The following SUSD4 variants were observed in gnomAD, a reference collection of about 807,000 sequenced individuals.
The protein encoded by SUSD4 is sushi domain containing 4, also known as sushi domain-containing protein 4.
Under a neutral mutation model 50.5 loss-of-function variants are expected in SUSD4, and 41 were observed. That is an observed-to-expected ratio of 0.81 (90% CI 0.63 to 1.05). The LOEUF is 1.05. SUSD4 is among the 50% of genes least tolerant of loss of function. SUSD4 has a pLI of 0.00. For missense variants in SUSD4, 580 were observed against 634.7 expected (o/e 0.91, Z 0.93); for synonymous variants, 257 against 257.3 (o/e 1.00, Z 0.01).
chr1:223,349,883 A>G (rs1668259738), intron 2 of SUSD4, among the ~76,000 whole-genome samples: 1 of 152,224 alleles, frequency 6.6e-6, no homozygotes, highest in South Asian at 2.1e-4. Flanking sequence ...CTAAATTCAT[A>G]CATTGAAGCC....
Position 223,364,170 on chromosome 1 carries a change from A to C in SUSD4, c.-149T>G, listed in dbSNP as rs1669179974. The C allele has an allele frequency of 6.6e-6, 1 of 151,486 alleles. No individual in the cohort carries two copies. Among genetic ancestry groups the C allele is most frequent in the Non-Finnish European group, 1.5e-5 (1 of 67,738 alleles). 9.4% of individuals were successfully genotyped at this position (151,486 alleles called of 1,614,324 possible). A position where few individuals can be genotyped will look rare whatever the true frequency, so the allele number is the denominator to read the frequency against. ...GCCGCTGCGCGAGCGAGCGAGACGGAAGCTTCGGCGGCGGCGCTCGGCTCC... is the reference window on the plus strand; with the variant it reads ...GCCGCTGCGCGAGCGAGCGAGACGGCAGCTTCGGCGGCGGCGCTCGGCTCC... On this transcript the variant is annotated 5_prime_UTR_variant, in exon 1 of 9. Transcript: ENST00000366878. This position sits in a 1 kb window ranked among gnomAD's most constrained non-coding sequence, Gnocchi z 4.5.
intron 2 of SUSD4, among the ~76,000 whole-genome samples, chr1:223,339,218 G>A (rs921667494): frequency 1.3e-5 from 2 of 152,308 alleles, no homozygotes; most frequent in African/African-American, 2.4e-5. Context: ...TGGTGTTTGC[G>A]TGTCTCTGAA....
intron 2 of SUSD4, among the ~76,000 whole-genome samples, chr1:223,338,868 C>A (rs1391454165): frequency 6.6e-6 from 1 of 152,148 alleles, no homozygotes; most frequent in Non-Finnish European, 1.5e-5. Context: ...TCAGAGATGT[C>A]CAGTAAGCAC....
At chr1:223,347,622 ATTAT>A (rs1390704503) in intron 2 of SUSD4, among the ~76,000 whole-genome samples, 2 of 151,998 alleles carry the variant, frequency 1.3e-5, no homozygotes. Context: ...GAGTGCCTTA[ATTAT>A]TTCATGCACG....
chr1:223,335,351 T>C (rs1667400650), intron 2 of SUSD4, among the ~76,000 whole-genome samples: 1 of 152,224 alleles, frequency 6.6e-6, no homozygotes, highest in South Asian at 2.1e-4. Flanking sequence ...AGTGTAGAAG[T>C]GTTCTGACGG....
intron 4 of SUSD4, among the ~76,000 whole-genome samples, chr1:223,266,151 A>G (rs932247999): frequency 2.0e-5 from 3 of 152,230 alleles, no homozygotes; most frequent in Non-Finnish European, 4.4e-5. Flanking sequence ...GCGGCTCTGC[A>G]GACCAAGCAG....
At position 223,244,638 on chromosome 1, in the gene SUSD4, G is replaced by A. The variant is rs527875260; in HGVS notation, c.725-15250C>T. ...ATGCTACAGATTGGATTCTACCACT[G>A]AGAACTGGTGACTAAAATCTGCTTG... On this transcript the variant is annotated intron_variant, in intron 5 of 8. Coordinates refer to ENST00000366878, the MANE Select transcript of SUSD4 (RefSeq NM_017982.4). 1.7e-4 allele frequency among the ~76,000 whole-genome samples: 26 copies of A among 152,230 alleles called. No homozygotes were observed. In the South Asian group the frequency reaches 4.6e-3, roughly 27 times the overall value.
At chr1:223,234,851 T>A in intron 5 of SUSD4, 3 of 1,423,148 alleles carry the variant, frequency 2.1e-6, no homozygotes. Flanking sequence ...AGTTGGTTCT[T>A]CCCTTGATGC....
intron 5 of SUSD4, among the ~76,000 whole-genome samples, chr1:223,235,292 C>T (rs1660145022): frequency 6.6e-6 from 1 of 152,184 alleles, no homozygotes; most frequent in Non-Finnish European, 1.5e-5. Context: ...CATGCACAGC[C>T]TCCCCCATTA....
chr1:223,355,436 C>T (rs1294594409), intron 2 of SUSD4, among the ~76,000 whole-genome samples: 1 of 152,092 alleles, frequency 6.6e-6, no homozygotes, highest in East Asian at 1.9e-4. Flanking sequence ...CCAGGCTGGT[C>T]TTGAACTCCT....
At chr1:223,315,638 T>A (rs1666140720) in intron 2 of SUSD4, among the ~76,000 whole-genome samples, 1 of 152,226 alleles carries the variant, frequency 6.6e-6, no homozygotes, top group African/African-American at 2.4e-5. Flanking sequence ...GCTTTCTTTA[T>A]CGCATTGCCG....
intron 5 of SUSD4, chr1:223,234,831 A>G: frequency 7.4e-7 from 1 of 1,359,554 alleles, no homozygotes; most frequent in East Asian, 2.7e-5. Context: ...AACACCTTCA[A>G]AACAATGCCA....
At position 223,332,798 on chromosome 1, in the gene SUSD4, GC is replaced by G. The variant is rs1372852111; in HGVS notation, c.148+30479del. On this transcript the variant is annotated intron_variant, in intron 2 of 8. Transcript: ENST00000366878. This position sits in a 1 kb window ranked among gnomAD's most constrained non-coding sequence, Gnocchi z 4.0. ...CTAAGGTTTGCTCCTTCTCTGTCCT[GC>G]CCCTGTCCTTTATGCCTACCTCCAG... 6.6e-6 allele frequency among the ~76,000 whole-genome samples: 1 copy of G among 152,118 alleles called. No individual in the cohort carries two copies. Among genetic ancestry groups the G allele is most frequent in the East Asian group, 1.9e-4 (1 of 5,182 alleles).
chr1:223,280,294 A>G (rs932555508), intron 3 of SUSD4, among the ~76,000 whole-genome samples: 1 of 152,128 alleles, frequency 6.6e-6, no homozygotes, highest in Non-Finnish European at 1.5e-5. Flanking sequence ...AGACTGGCAA[A>G]TTGGATAAAG....
rs137958204 is a variant in SUSD4 at position 223,321,377 on chromosome 1, A to G, written c.149-28726T>C. ...AGGTCTCAGTTTTCTCATCTATAAA[A>G]TGGAGATAATAAAGCACTTACTGGC... On this transcript the variant is annotated intron_variant, in intron 2 of 8. Coordinates refer to ENST00000366878, the MANE Select transcript of SUSD4 (RefSeq NM_017982.4). 1.4e-3 allele frequency among the ~76,000 whole-genome samples: 213 copies of G among 152,346 alleles called. 2 individuals carry two copies. The highest frequency in any genetic ancestry group is 1.8e-3 in the Non-Finnish European group (122 of 68,028).
intron 7 of SUSD4, among the ~76,000 whole-genome samples, chr1:223,226,270 C>T (rs550797606): frequency 3.5e-4 from 54 of 152,276 alleles, no homozygotes; most frequent in African/African-American, 1.3e-3. Context: ...GAGTGGATGG[C>T]AGGTTGGAGA....
chr1:223,275,463 A>C (rs1442654089), intron 3 of SUSD4, among the ~76,000 whole-genome samples: 1 of 152,204 alleles, frequency 6.6e-6, no homozygotes, highest in Non-Finnish European at 1.5e-5. Context: ...TTAAGGCCAG[A>C]GGTGAACTCA....
At chr1:223,258,867 G>A (rs1661891634) in intron 5 of SUSD4, among the ~76,000 whole-genome samples, 1 of 152,136 alleles carries the variant, frequency 6.6e-6, no homozygotes, top group Admixed American at 6.5e-5. Flanking sequence ...TCACGTCTCA[G>A]AGCCAACCCC....
chr1:223,236,741 G>T (rs1660250790), intron 5 of SUSD4, among the ~76,000 whole-genome samples: 1 of 151,976 alleles, frequency 6.6e-6, no homozygotes, highest in Non-Finnish European at 1.5e-5. Context: ...ATACCATGCT[G>T]TCTTGATTAC....
Sources: allele counts gnomAD v4.1 joint callset (sites outside exome capture counted in the v4.1 genomes callset), GRCh38; gene constraint gnomAD v4.1.1; non-coding constraint Gnocchi (gnomAD v3.1); transcripts MANE v1.5; gene names NCBI Gene and HGNC (gene_info 2026-07-23, HGNC 2026-07-21).